The following DGKB variants were observed in gnomAD, a reference collection of about 807,000 sequenced individuals.
DGKB encodes the protein 90 kDa diacylglycerol kinase.
DGKB carries 67 observed loss-of-function variants against 114.3 expected under a neutral mutation model. That is an observed-to-expected ratio of 0.59 (90% confidence interval 0.48 to 0.72). DGKB has a LOEUF of 0.72. Among genes scored for constraint, DGKB ranks in the 30% least tolerant of loss-of-function variants. The pLI, the probability that DGKB is intolerant of heterozygous loss-of-function variation, is 0.00. For synonymous variants in DGKB, 398 were observed against 323.1 expected, an observed-to-expected ratio of 1.23 and a Z score of -2.49; for missense variants, 907 against 975.2, an observed-to-expected ratio of 0.93 and a Z score of 0.93.
chr7:14,376,838 C>T (rs967952039), intron 21 of DGKB, among the ~76,000 whole-genome samples: 2 of 152,120 alleles, frequency 1.3e-5, no homozygotes, highest in African/African-American at 4.8e-5. Context: ...AAATTGTAAT[C>T]TTGTTCCTCG....
chr7:14,695,882 G>A (rs1156551932), intron 8 of DGKB, among the ~76,000 whole-genome samples: 1 of 151,924 alleles, frequency 6.6e-6, no homozygotes, highest in Non-Finnish European at 1.5e-5. Context: ...GAGAACTACT[G>A]AAGCCTTAGG....
chr7:14,892,174 T>A (rs1781344822), intron 1 of DGKB, among the ~76,000 whole-genome samples: 1 of 151,328 alleles, frequency 6.6e-6, no homozygotes, highest in Non-Finnish European at 1.5e-5. Flanking sequence ...GAGAGAGCAA[T>A]GTTATCACTT....
At chr7:14,255,294 G>A (rs1174256315) in intron 23 of DGKB, among the ~76,000 whole-genome samples, 1 of 152,126 alleles carries the variant, frequency 6.6e-6, no homozygotes, top group East Asian at 1.9e-4. Context: ...AGGTGTTTTA[G>A]TGATTAAATA....
chr7:14,488,584 C>A (rs1374758492), intron 20 of DGKB, among the ~76,000 whole-genome samples: 1 of 150,632 alleles, frequency 6.6e-6, no homozygotes, highest in African/African-American at 2.4e-5. Context: ...CTTTGGGAGG[C>A]TGAGGTGGGC....
intron 2 of DGKB, among the ~76,000 whole-genome samples, chr7:14,820,579 G>A (rs1039322356): frequency 3.3e-5 from 5 of 152,074 alleles, no homozygotes; most frequent in African/African-American, 1.2e-4. Context: ...TTTTACATTA[G>A]CTAGGCTTAT....
chr7:14,161,821 GA>G (rs1435726836), intron 25 of DGKB, among the ~76,000 whole-genome samples: 6 of 149,690 alleles, frequency 4.0e-5, no homozygotes, highest in African/African-American at 9.8e-5. Context: ...ATAATTAAAA[GA>G]AAAAAAAAGT....
Position 14,184,654 on chromosome 7 carries a change from A to G in DGKB, c.2123-6503T>C, listed in dbSNP as rs562660917. On this transcript the variant is annotated intron_variant, in intron 23 of 25. Coordinates refer to ENST00000402815, the MANE Select transcript of DGKB (RefSeq NM_001350709.2). ...ACCCAAGGAGAGTCTGAGCTCAGAAATGCCTAACCCTGCCCTCCTCCTGAT... is the reference window on the plus strand; with the variant it reads ...ACCCAAGGAGAGTCTGAGCTCAGAAGTGCCTAACCCTGCCCTCCTCCTGAT... Among the ~76,000 whole-genome samples, 365 of 151,980 alleles carry G rather than the reference A, an allele frequency of 2.4e-3. 1 individual carries two copies. The highest frequency in any genetic ancestry group is 8.6e-3 in the African/African-American group (358 of 41,452).
At position 14,967,134 on chromosome 7, in the gene DGKB, C is replaced by A. The variant is rs181207875; in HGVS notation, c.-188+7562G>T. ...TTTAACTTTTATTTTTAGACTGAAA[C>A]TTTAGCTGGTTAGCTGCAGAATTTT... On this transcript the variant is annotated intron_variant, in intron 1 of 4. Coordinates refer to the DGKB transcript ENST00000437998. 1.8e-4 allele frequency among the ~76,000 whole-genome samples: 27 copies of A among 152,172 alleles called. No homozygotes were observed. The East Asian group carries it at 5.0e-3, about 28-fold the overall frequency.
chr7:14,373,768 G>A (rs1375160484), intron 21 of DGKB, among the ~76,000 whole-genome samples: 1 of 152,064 alleles, frequency 6.6e-6, no homozygotes, highest in Non-Finnish European at 1.5e-5. Flanking sequence ...GTGGTACCAT[G>A]GTAGATGACT....
chr7:14,621,597 G>T, intron 14 of DGKB, 103 bp from the exon 15 acceptor site: 1 of 673,788 alleles, frequency 1.5e-6, no homozygotes, highest in Non-Finnish European at 2.5e-6. Context: ...TACAAACACA[G>T]GCTCAACTTT....
chr7:14,248,052 C>G (rs1399622580), intron 23 of DGKB, among the ~76,000 whole-genome samples: 2 of 151,914 alleles, frequency 1.3e-5, no homozygotes, highest in African/African-American at 2.4e-5. Flanking sequence ...GAGTTCGATT[C>G]TATTCTTCAG....
intron 21 of DGKB, among the ~76,000 whole-genome samples, chr7:14,437,769 G>A (rs138903888): frequency 3.4e-4 from 51 of 149,400 alleles, no homozygotes; most frequent in African/African-American, 8.6e-4. Flanking sequence ...TATAACCCCC[G>A]AAGTTCTCCC....
chr7:14,749,172 A>G (rs1484177827), intron 4 of DGKB, among the ~76,000 whole-genome samples: 4 of 152,170 alleles, frequency 2.6e-5, no homozygotes. Flanking sequence ...TTTTTATGTT[A>G]AAATTCACTT....
chr7:14,188,300 C>T (rs1050076371), intron 23 of DGKB, among the ~76,000 whole-genome samples: 5 of 152,000 alleles, frequency 3.3e-5, no homozygotes, highest in Admixed American at 6.6e-5. Context: ...ATTTATTTAA[C>T]GAAATAATAG....
At chr7:14,952,398 T>C (rs945322266) in intron 1 of DGKB, among the ~76,000 whole-genome samples, 2 of 152,000 alleles carry the variant, frequency 1.3e-5, no homozygotes, top group African/African-American at 2.4e-5. Context: ...ATTGCTAATA[T>C]AGCAATGCTT....
At chr7:14,734,020 C>CGTGTGTGT (rs71004332) in intron 5 of DGKB, among the ~76,000 whole-genome samples, 1,903 of 148,274 alleles carry the variant, frequency 0.013, 21 homozygotes, top group African/African-American at 0.039. Flanking sequence ...TATACCAACA[C>CGTGTGTGT]GTGTGTGTGT....
chr7:14,877,741 G>A (rs1164181670), intron 1 of DGKB, among the ~76,000 whole-genome samples: 1 of 152,166 alleles, frequency 6.6e-6, no homozygotes, highest in Non-Finnish European at 1.5e-5. Context: ...TATTTACCAA[G>A]TTGACTTCAA....
intron 13 of DGKB, among the ~76,000 whole-genome samples, chr7:14,659,404 T>C (rs1816565460): frequency 6.6e-6 from 1 of 151,986 alleles, no homozygotes; most frequent in Non-Finnish European, 1.5e-5. Context: ...CTCTTTTATT[T>C]CCTTGAGCAG....
At chr7:14,206,508 G>T (rs1396616308) in intron 23 of DGKB, among the ~76,000 whole-genome samples, 1 of 151,980 alleles carries the variant, frequency 6.6e-6, no homozygotes, top group Non-Finnish European at 1.5e-5. Context: ...GGGAGAAAAG[G>T]CATATTAGGC....
Sources: gnomAD v4.1 joint callset for allele counts (sites outside exome capture counted in the v4.1 genomes callset) on GRCh38, gnomAD v4.1.1 for gene constraint, MANE v1.5 for transcripts, NCBI Gene and HGNC (gene_info 2026-07-23, HGNC 2026-07-21) for gene names.